Variants in CRTC3 observed in about 807,000 individuals in gnomAD.
CRTC3 encodes the protein CREB regulated transcription coactivator 3.
In CRTC3, 26 loss-of-function variants were observed where a neutral mutation model predicts 74.5. The ratio of observed to expected loss-of-function variants is 0.35; its 90% CI spans 0.26 to 0.48. CRTC3 has a LOEUF of 0.48. Among genes scored for constraint, CRTC3 ranks in the 20% least tolerant of loss-of-function variants. The pLI is 0.99. For synonymous variants in CRTC3, 377 were observed against 325.8 expected, an observed-to-expected ratio of 1.16 and a Z score of -1.69; for missense variants, 760 against 787.3, an observed-to-expected ratio of 0.97 and a Z score of 0.41.
chr15:90,593,750 C>T lies in CRTC3; in HGVS notation c.346C>T (p.Arg116Ter), dbSNP rs1160190602. ...LHRRSGDKPG[R>*]QFDGSAFGAN... Reference sequence around the variant, plus strand: ...CCGAAGGTCTGGGGACAAGCCAGGGCGACAAATATCCTTTTTTACTCTTCA... The same window carrying T: ...CCGAAGGTCTGGGGACAAGCCAGGGTGACAAATATCCTTTTTTACTCTTCA... Residue 116 changes from arginine (R) to a stop codon, truncating the protein, a stop_gained, in exon 3 of 15, where the codon CGA becomes TGA. Transcript: ENST00000268184. LOFTEE classifies it high-confidence loss of function. 5 of 1,600,000 alleles carry T rather than the reference C, an allele frequency of 3.1e-6. No homozygotes were observed. Among genetic ancestry groups the T allele is most frequent in the South Asian group, 1.1e-5 (1 of 90,234 alleles).
intron 2 of CRTC3, among the ~76,000 whole-genome samples, chr15:90,570,719 A>C (rs1967243821): frequency 6.6e-6 from 1 of 152,190 alleles, no homozygotes; most frequent in Non-Finnish European, 1.5e-5. Flanking sequence ...ATAAGAGTTC[A>C]AGCCAGTAAT....
intron 1 of CRTC3, among the ~76,000 whole-genome samples, chr15:90,536,827 CT>C (rs1238665050): frequency 6.6e-6 from 1 of 152,216 alleles, no homozygotes; most frequent in East Asian, 1.9e-4. Context: ...ACAGTGAGGA[CT>C]TGGCAAACAC....
At chr15:90,640,352 G>C (rs2151098691) in intron 13 of CRTC3, among the ~76,000 whole-genome samples, 1 of 151,664 alleles carries the variant, frequency 6.6e-6, no homozygotes, top group Non-Finnish European at 1.5e-5. Flanking sequence ...CTCCTTCTGA[G>C]TGTGAAAAGG....
At chr15:90,616,282 CT>C (rs1968493319) in intron 7 of CRTC3, among the ~76,000 whole-genome samples, 1 of 152,128 alleles carries the variant, frequency 6.6e-6, no homozygotes, top group Non-Finnish European at 1.5e-5. Context: ...GACAGGTTGC[CT>C]GAAGAGCATT....
chr15:90,546,455 C>G (rs1010690053), intron 2 of CRTC3, among the ~76,000 whole-genome samples: 25 of 152,278 alleles, frequency 1.6e-4, no homozygotes, highest in African/African-American at 5.8e-4. Flanking sequence ...TATCATTTTG[C>G]TAATACCACA....
intron 2 of CRTC3, among the ~76,000 whole-genome samples, chr15:90,572,924 A>G (rs923950763): frequency 2.6e-5 from 4 of 152,206 alleles, no homozygotes; most frequent in Non-Finnish European, 1.5e-5. Flanking sequence ...ACATAACTTA[A>G]AACTTAACAT....
At chr15:90,572,983 A>G (rs1240008675) in intron 2 of CRTC3, among the ~76,000 whole-genome samples, 1 of 152,238 alleles carries the variant, frequency 6.6e-6, no homozygotes, top group African/African-American at 2.4e-5. Flanking sequence ...GTATATTCAC[A>G]TTGTTGTGTA....
intron 1 of CRTC3, among the ~76,000 whole-genome samples, chr15:90,539,443 T>G (rs1966769195): frequency 6.6e-6 from 1 of 152,138 alleles, no homozygotes; most frequent in Admixed American, 6.5e-5. Context: ...TGGGAAAGCA[T>G]TTCGGCAGTA....
chr15:90,636,693 A>C (rs1969250272), intron 11 of CRTC3, among the ~76,000 whole-genome samples: 1 of 152,054 alleles, frequency 6.6e-6, no homozygotes, highest in African/African-American at 2.4e-5. Context: ...TCTACAAAGA[A>C]CTCAAATTTA....
At chr15:90,564,913 CCTTCCT>C (rs1567167436) in intron 2 of CRTC3, among the ~76,000 whole-genome samples, 54 of 9,228 alleles carry the variant, frequency 5.9e-3, no homozygotes, top group African/African-American at 0.012. Flanking sequence ...AACCTTCCTT[CCTTCCT>C]TCCTTCCTTC....
At chr15:90,636,656 C>T (rs1382648710) in intron 11 of CRTC3, among the ~76,000 whole-genome samples, 2 of 152,162 alleles carry the variant, frequency 1.3e-5, no homozygotes, top group Non-Finnish European at 2.9e-5. Context: ...GCAATCTACT[C>T]ATCTGACAAA....
At chr15:90,547,908 T>G (rs569532764) in intron 2 of CRTC3, among the ~76,000 whole-genome samples, 80 of 92,964 alleles carry the variant, frequency 8.6e-4, no homozygotes, top group African/African-American at 2.7e-3. Flanking sequence ...TTTTTTTTTT[T>G]TGTGACAAGG....
intron 2 of CRTC3, among the ~76,000 whole-genome samples, chr15:90,547,291 T>C (rs1966845977): frequency 6.6e-6 from 1 of 152,210 alleles, no homozygotes; most frequent in Admixed American, 6.5e-5. Context: ...TTATTAACTT[T>C]AGCAATCATG....
intron 2 of CRTC3, among the ~76,000 whole-genome samples, chr15:90,579,341 C>T (rs1433366107): frequency 6.6e-6 from 1 of 152,170 alleles, no homozygotes; most frequent in African/African-American, 2.4e-5. Context: ...CCACTCTTCC[C>T]CACTGGGGAC....
intron 2 of CRTC3, among the ~76,000 whole-genome samples, chr15:90,549,227 G>A (rs1966849869): frequency 6.6e-6 from 1 of 151,954 alleles, no homozygotes; most frequent in Non-Finnish European, 1.5e-5. Context: ...CTGTCACATG[G>A]ATATGCCACA....
At chr15:90,620,767 G>C (rs1004223842) in intron 9 of CRTC3, among the ~76,000 whole-genome samples, 2 of 152,202 alleles carry the variant, frequency 1.3e-5, no homozygotes, top group African/African-American at 4.8e-5. Context: ...ATGTGGTTTG[G>C]AAATGGGATT....
intron 2 of CRTC3, among the ~76,000 whole-genome samples, chr15:90,564,302 T>C (rs1967075714): frequency 1.3e-5 from 2 of 152,216 alleles, no homozygotes; most frequent in Admixed American, 1.3e-4. Context: ...AACCAGAGTA[T>C]TTCTTGAAGA....
intron 2 of CRTC3, among the ~76,000 whole-genome samples, chr15:90,562,776 A>C (rs1967039665): frequency 6.6e-6 from 1 of 152,072 alleles, no homozygotes; most frequent in South Asian, 2.1e-4. Context: ...AAGAAAGGCC[A>C]GAGTTGGGAG....
At chr15:90,601,618 A>G (rs547893377) in intron 3 of CRTC3, among the ~76,000 whole-genome samples, 2 of 152,116 alleles carry the variant, frequency 1.3e-5, no homozygotes, top group African/African-American at 4.8e-5. Flanking sequence ...GCGCCATTGC[A>G]CTCCAGCCTG....
Sources: gnomAD v4.1 joint callset for allele counts (sites outside exome capture counted in the v4.1 genomes callset) on GRCh38, gnomAD v4.1.1 for gene constraint, MANE v1.5 for transcripts, NCBI Gene and HGNC (gene_info 2026-07-23, HGNC 2026-07-21) for gene names.